Variants in KCNMA1 observed in about 807,000 individuals in gnomAD.
KCNMA1 encodes the protein Calcium-activated potassium channel subunit alpha-1.
In KCNMA1, 29 loss-of-function variants were observed where a neutral mutation model predicts 140.0. That is an observed-to-expected ratio of 0.21 (90% CI 0.15 to 0.28). The LOEUF (loss-of-function observed/expected upper bound fraction) is 0.28. Among genes scored for constraint, KCNMA1 ranks in the 10% least tolerant of loss-of-function variants. The pLI, the probability that KCNMA1 is intolerant of heterozygous loss-of-function variation, is 1.00. For synonymous variants in KCNMA1, 612 were observed against 611.9 expected (o/e 1.00, Z 0.00); for missense variants, 880 against 1,602.2 (o/e 0.55, Z 7.70).
At chr10:77,089,271 C>T (rs1022826106) in intron 10 of KCNMA1, among the ~76,000 whole-genome samples, 3 of 152,130 alleles carry the variant, frequency 2.0e-5, no homozygotes, top group Non-Finnish European at 4.4e-5. Flanking sequence ...GTAGGGAAGC[C>T]GACCTCAGTG....
At chr10:77,603,391 G>A (rs2083341159) in intron 1 of KCNMA1, among the ~76,000 whole-genome samples, 1 of 152,130 alleles carries the variant, frequency 6.6e-6, no homozygotes, top group African/African-American at 2.4e-5. Flanking sequence ...CATGGATCAT[G>A]AGGCTGAGAT....
rs564155417 is a variant in KCNMA1 at position 77,167,662 on chromosome 10, G to C, written c.808+15759C>G. Among the ~76,000 whole-genome samples, 7 of 151,904 alleles carry C rather than the reference G, an allele frequency of 4.6e-5. 1 individual carries two copies. Among genetic ancestry groups the C allele is most frequent in the African/African-American group, 1.7e-4 (7 of 41,424 alleles). ...TGCATCCAGGGAACAAAATTGAAAG[G>C]CACGCTCATTTTCTTTTTCTTTCTT... On this transcript the variant is annotated intron_variant, in intron 5 of 27. Transcript: ENST00000286628.
chr10:77,343,284 T>C (rs1368227585), intron 2 of KCNMA1, among the ~76,000 whole-genome samples: 2 of 152,198 alleles, frequency 1.3e-5, no homozygotes, highest in Non-Finnish European at 2.9e-5. Flanking sequence ...TTTATGTATA[T>C]TAACTCATTT....
chr10:77,364,601 A>T (rs2094215900), intron 2 of KCNMA1, among the ~76,000 whole-genome samples: 1 of 152,240 alleles, frequency 6.6e-6, no homozygotes, highest in African/African-American at 2.4e-5. Flanking sequence ...GAAGCTAAGT[A>T]ACCTTATAAG....
At chr10:76,888,120 T>G (rs2038075384) in intron 27 of KCNMA1, 1 of 163,578 alleles carries the variant, frequency 6.1e-6, no homozygotes, top group Non-Finnish European at 1.3e-5. Context: ...ATCACGCTGT[T>G]TCACTTAGAG....
intron 2 of KCNMA1, among the ~76,000 whole-genome samples, chr10:77,265,019 C>T (rs2063037208): frequency 6.6e-6 from 1 of 151,974 alleles, no homozygotes; most frequent in Non-Finnish European, 1.5e-5. Context: ...AGCAGGATGC[C>T]AGAAGCCAGA....
At chr10:77,454,217 A>G (rs1360076894) in intron 1 of KCNMA1, among the ~76,000 whole-genome samples, 1 of 152,188 alleles carries the variant, frequency 6.6e-6, no homozygotes, top group Admixed American at 6.5e-5. Context: ...TAGTCCATCA[A>G]AAGACTCCCC....
At chr10:77,336,492 G>A (rs1407565494) in intron 2 of KCNMA1, among the ~76,000 whole-genome samples, 3 of 152,052 alleles carry the variant, frequency 2.0e-5, no homozygotes, top group African/African-American at 7.2e-5. Context: ...TGGCAATGTT[G>A]GAAGAGAAAT....
intron 19 of KCNMA1, among the ~76,000 whole-genome samples, chr10:76,981,596 G>A (rs1186194805): frequency 1.3e-5 from 2 of 152,184 alleles, no homozygotes; most frequent in African/African-American, 2.4e-5. Flanking sequence ...TGGCGGGGTA[G>A]AGAGGCAGTG....
At chr10:77,066,180 G>A (rs2095937340) in intron 14 of KCNMA1, among the ~76,000 whole-genome samples, 2 of 152,168 alleles carry the variant, frequency 1.3e-5, no homozygotes, top group Admixed American at 1.3e-4. Context: ...GATTGGAGGT[G>A]GGGTGGTAAG....
intron 1 of KCNMA1, among the ~76,000 whole-genome samples, chr10:77,630,472 C>T (rs1388853219): frequency 6.6e-6 from 1 of 152,188 alleles, no homozygotes; most frequent in Admixed American, 6.5e-5. Context: ...GAGCAGGCAC[C>T]TGGACCATCA....
At chr10:77,555,735 T>G (rs972078759) in intron 1 of KCNMA1, among the ~76,000 whole-genome samples, 1 of 152,012 alleles carries the variant, frequency 6.6e-6, no homozygotes, top group Non-Finnish European at 1.5e-5. Context: ...ACTTTGGAGG[T>G]TAAACAGATG....
intron 2 of KCNMA1, among the ~76,000 whole-genome samples, chr10:77,382,994 G>GTGTGTGTGTGTGTATATA (rs1491457588): frequency 2.2e-5 from 1 of 46,424 alleles, no homozygotes; most frequent in Non-Finnish European, 4.0e-5. Context: ...GTGTGTGTGT[G>GTGTGTGTGTGTGTATATA]TATATATATA....
intron 2 of KCNMA1, among the ~76,000 whole-genome samples, chr10:77,256,213 T>C (rs983622902): frequency 6.6e-6 from 1 of 152,178 alleles, no homozygotes; most frequent in African/African-American, 2.4e-5. Context: ...TATTTCCTGT[T>C]CTAGAACCTG....
At chr10:77,010,325 A>G (rs1565521449) in intron 18 of KCNMA1, among the ~76,000 whole-genome samples, 2 of 152,054 alleles carry the variant, frequency 1.3e-5, no homozygotes, top group African/African-American at 4.8e-5. Context: ...CCAACTAAGC[A>G]TGGCTGGGAT....
rs540284526 is a variant in KCNMA1, at chr10:77,526,551, C to T, written c.378+110714G>A. Among the ~76,000 whole-genome samples, 40 of 152,296 alleles carry T rather than the reference C, an allele frequency of 2.6e-4. No homozygotes were observed. In the South Asian group the frequency reaches 8.3e-3, roughly 32 times the overall value. ...ACTTTTCGGTTGCTTGGTTTCTAGA[C>T]AAATGTTAGTGGCCCGATCATTCCT... On this transcript the variant is annotated intron_variant, in intron 1 of 27. Coordinates refer to ENST00000286628, the MANE Select transcript of KCNMA1 (RefSeq NM_001161352.2).
chr10:77,593,942 A>G (rs1464778374), intron 1 of KCNMA1, among the ~76,000 whole-genome samples: 1 of 152,232 alleles, frequency 6.6e-6, no homozygotes, highest in African/African-American at 2.4e-5. Flanking sequence ...TCCTGGGAGC[A>G]CAGTCCTCGC....
chr10:76,889,943 T>C (rs1165137429), intron 26 of KCNMA1, among the ~76,000 whole-genome samples: 1 of 152,206 alleles, frequency 6.6e-6, no homozygotes, highest in Non-Finnish European at 1.5e-5. Flanking sequence ...ATGGTGATTA[T>C]GTTCAGTCCC....
chr10:77,151,143 CTT>C (rs72132614), intron 5 of KCNMA1, among the ~76,000 whole-genome samples: 2,725 of 148,240 alleles, frequency 0.018, 41 homozygotes, highest in South Asian at 0.041. Context: ...TTTCTTTCTT[CTT>C]TCTTTCTTTC....
Sources: gnomAD v4.1 joint callset for allele counts (sites outside exome capture counted in the v4.1 genomes callset) on GRCh38, gnomAD v4.1.1 for gene constraint, MANE v1.5 for transcripts, NCBI Gene and HGNC (gene_info 2026-07-23, HGNC 2026-07-21) for gene names.